PSMD1: variants seen among roughly 807,000 people sequenced by gnomAD.
PSMD1 encodes 26S proteasome non-ATPase regulatory subunit 1.
In PSMD1, 18 loss-of-function variants were observed where a neutral mutation model predicts 119.0. The ratio of observed to expected loss-of-function variants is 0.15; its 90% confidence interval spans 0.10 to 0.22. The LOEUF is 0.22. PSMD1 is among the 10% of genes least tolerant of loss of function. The pLI is 1.00. For synonymous variants in PSMD1, 374 were observed against 396.6 expected (o/e 0.94, Z 0.68); for missense variants, 702 against 1,158.5 (o/e 0.61, Z 5.72).
chr2:231,161,252 A>AT, intron 19 of PSMD1, 88 bp from the exon 20 acceptor site: 6 of 1,225,968 alleles, frequency 4.9e-6, no homozygotes, highest in Non-Finnish European at 5.6e-6. Flanking sequence ...AAAAAAAAAA[A>AT]GAAAGAAAGA....
intron 16 of PSMD1, chr2:231,113,641 T>A: frequency 1.7e-6 from 2 of 1,179,098 alleles, no homozygotes; most frequent in South Asian, 2.4e-5. Context: ...TCATGCTGAG[T>A]TTCATTGCCT....
chr2:231,071,373 A>G (rs1047352200), intron 6 of PSMD1, among the ~76,000 whole-genome samples: 1 of 152,076 alleles, frequency 6.6e-6, no homozygotes, highest in African/African-American at 2.4e-5. Flanking sequence ...ATGATGGGGT[A>G]TACAATGAAG....
intron 19 of PSMD1, among the ~76,000 whole-genome samples, chr2:231,158,422 C>G (rs1329679844): frequency 2.0e-5 from 3 of 152,144 alleles, no homozygotes; most frequent in Non-Finnish European, 4.4e-5. Context: ...TCAGTCTCTT[C>G]CGGGAGAAAA....
At chr2:231,104,050 G>T (rs1437502700) in intron 16 of PSMD1, among the ~76,000 whole-genome samples, 1 of 152,068 alleles carries the variant, frequency 6.6e-6, no homozygotes, top group African/African-American at 2.4e-5. Context: ...CTCTTGGGTT[G>T]TGTAAAGCAT....
intron 16 of PSMD1, chr2:231,123,526 G>GA (rs1164841035): frequency 6.2e-7 from 1 of 1,614,038 alleles, no homozygotes; most frequent in Admixed American, 1.7e-5. Context: ...CTTCTCCAGT[G>GA]AAACAGCCAG....
At chr2:231,098,877 T>C (rs1694795496) in intron 16 of PSMD1, among the ~76,000 whole-genome samples, 1 of 152,182 alleles carries the variant, frequency 6.6e-6, no homozygotes, top group South Asian at 2.1e-4. Context: ...CCCCCCTTCC[T>C]TGTGGTACCT....
chr2:231,127,568 T>C (rs1192777652), intron 16 of PSMD1, among the ~76,000 whole-genome samples: 3 of 152,164 alleles, frequency 2.0e-5, no homozygotes, highest in Admixed American at 2.0e-4. Flanking sequence ...TTGACCAGGA[T>C]GGTCTCGAAC....
chr2:231,103,496 G>A (rs750525193), intron 16 of PSMD1, among the ~76,000 whole-genome samples: 3 of 152,160 alleles, frequency 2.0e-5, no homozygotes, highest in Non-Finnish European at 4.4e-5. Context: ...AAACCTATGT[G>A]TATTAAGCTA....
At chr2:231,070,270 T>C (rs943364764) in intron 6 of PSMD1, 102 bp downstream of exon 6, 8 of 962,440 alleles carry the variant, frequency 8.3e-6, no homozygotes, top group Non-Finnish European at 1.1e-5. Context: ...AATGGCTTTA[T>C]ACATGTATCT....
At chr2:231,144,333 C>G (rs75757968) in intron 17 of PSMD1, among the ~76,000 whole-genome samples, 9,086 of 151,152 alleles carry the variant, frequency 0.06, 435 homozygotes, top group South Asian at 0.2. Flanking sequence ...CTCACTGCAA[C>G]CTCTGCCTCC....
rs1574743453 is a variant in PSMD1 at position 231,115,673 on chromosome 2, A to G, written c.1884-23063A>G. On this transcript the variant is annotated intron_variant, in intron 16 of 24. Coordinates refer to ENST00000308696, the MANE Select transcript of PSMD1 (RefSeq NM_002807.4). ...CCTTAGAGATTACCATTGATCTTGC[A>G]GATGAGTAAATTCAGGTATAATTAA... 3.3e-5 allele frequency among the ~76,000 whole-genome samples: 5 copies of G among 152,200 alleles called. No homozygotes were observed. In the East Asian group the frequency reaches 9.6e-4, roughly 29 times the overall value.
intron 18 of PSMD1, among the ~76,000 whole-genome samples, chr2:231,150,352 G>C (rs1696346294): frequency 6.8e-6 from 1 of 147,278 alleles, no homozygotes; most frequent in Admixed American, 6.9e-5. Flanking sequence ...CTCAAGGAGG[G>C]GAAAAAAAAA....
rs189737874 is a variant in PSMD1, at chr2:231,137,698, C to T, written c.1884-1038C>T. 2.9e-3 allele frequency among the ~76,000 whole-genome samples: 446 copies of T among 152,178 alleles called. 4 individuals carry two copies. The highest frequency in any genetic ancestry group is 9.8e-3 in the South Asian group (47 of 4,814). On this transcript the variant is annotated intron_variant, in intron 16 of 24. Transcript: ENST00000308696. ...GTTTTTCAACCCAGCACCCTTCCCT[C>T]CTCCCTCCAGTTCCCAGTGTTCATT... is the stretch of plus-strand genomic sequence containing the variant.
chr2:231,150,740 A>G (rs937344619), intron 18 of PSMD1, among the ~76,000 whole-genome samples: 1 of 152,194 alleles, frequency 6.6e-6, no homozygotes, highest in East Asian at 1.9e-4. Flanking sequence ...TCTCACCTCA[A>G]GGATTTCATG....
chr2:231,079,197 A>G (rs562696618), intron 10 of PSMD1, among the ~76,000 whole-genome samples: 4 of 152,042 alleles, frequency 2.6e-5, no homozygotes, highest in Non-Finnish European at 5.9e-5. Context: ...TTGCTATTTT[A>G]TGTATTTTTT....
At position 231,083,739 on chromosome 2, in the gene PSMD1, C is replaced by T; in HGVS notation, c.1698C>T (p.Leu566=). ...MYGRMEEADA[L]IESLCRDKDP... ...GGAGGATGGAAGAGGCTGATGCTCT[C>T]ATTGAATCTCTCTGTCGTGACAAGG... Residue 566 remains leucine (L), a synonymous_variant, in exon 14 of 25, where the codon CTC becomes CTT. Transcript: ENST00000308696. 6.2e-7 allele frequency: 1 copy of T among 1,614,158 alleles called. No individual in the cohort carries two copies. Among genetic ancestry groups the T allele is most frequent in the South Asian group, 1.1e-5 (1 of 91,074 alleles).
chr2:231,161,524 C>A lies in PSMD1; in HGVS notation c.2388+15C>A. ...AGGACTTAAAGGTATGTCTGTGAGA[C>A]CTCAGCTTTGTAGTATTTCCTGTTC... On this transcript the variant is annotated intron_variant, in intron 20 of 24. Transcript: ENST00000308696. The A allele has an allele frequency of 6.2e-7, 1 of 1,604,366 alleles. No homozygotes were observed.
At chr2:231,123,289 G>C (rs926882042) in intron 16 of PSMD1, 13 of 769,360 alleles carry the variant, frequency 1.7e-5, no homozygotes, top group Non-Finnish European at 2.9e-5. Context: ...TTTACTTGCC[G>C]TATCTTTAAA....
chr2:231,094,211 G>T (rs1694671056), intron 16 of PSMD1, among the ~76,000 whole-genome samples: 1 of 152,132 alleles, frequency 6.6e-6, no homozygotes, highest in South Asian at 2.1e-4. Flanking sequence ...TCTGGGCATT[G>T]CAGGATAATT....
Sources: allele counts gnomAD v4.1 joint callset (sites outside exome capture counted in the v4.1 genomes callset), GRCh38; gene constraint gnomAD v4.1.1; transcripts MANE v1.5; gene names NCBI Gene and HGNC (gene_info 2026-07-23, HGNC 2026-07-21).